ZNF148: variants seen among roughly 807,000 people sequenced by gnomAD.
The protein encoded by ZNF148 is zinc finger protein 148, also known as Beta-Enolase Repressor Factor-1.
In ZNF148, 7 loss-of-function variants were observed where a neutral mutation model predicts 67.7. The ratio of observed to expected loss-of-function variants is 0.10; its 90% CI spans 0.06 to 0.19. ZNF148 has a LOEUF of 0.19. Among genes scored for constraint, ZNF148 ranks in the 10% least tolerant of loss-of-function variants. The pLI is 1.00. For synonymous variants in ZNF148, 333 were observed against 330.7 expected (o/e 1.01, Z -0.08); for missense variants, 583 against 947.1 (o/e 0.62, Z 5.05).
At chr3:125,356,604 A>T (rs1942350138) in intron 1 of ZNF148, among the ~76,000 whole-genome samples, 1 of 152,180 alleles carries the variant, frequency 6.6e-6, no homozygotes, top group Non-Finnish European at 1.5e-5. Flanking sequence ...GCCCTCTATA[A>T]AATTAAGAAA....
chr3:125,277,914 T>C (rs1027693808), intron 6 of ZNF148, 105 bp from the exon 7 acceptor site: 3 of 784,534 alleles, frequency 3.8e-6, no homozygotes, highest in Admixed American at 3.4e-5. Flanking sequence ...TTTTGGAAAA[T>C]TACAAAATAG....
At chr3:125,374,729 A>C (rs571750958) in intron 1 of ZNF148, among the ~76,000 whole-genome samples, 1 of 152,160 alleles carries the variant, frequency 6.6e-6, no homozygotes, top group South Asian at 2.1e-4. Context: ...CACGGTGGAC[A>C]GAGCCCTGGT....
chr3:125,250,429 T>C (rs560281104), intron 7 of ZNF148, among the ~76,000 whole-genome samples: 1 of 152,310 alleles, frequency 6.6e-6, no homozygotes, highest in South Asian at 2.1e-4. Context: ...GCTGCTTCAG[T>C]GCCTTATTCA....
At chr3:125,291,097 C>G (rs996772908) in intron 4 of ZNF148, among the ~76,000 whole-genome samples, 2 of 152,000 alleles carry the variant, frequency 1.3e-5, no homozygotes, top group African/African-American at 4.8e-5. Flanking sequence ...TTGGTCTACC[C>G]CCTCTCCCCA....
chr3:125,262,426 G>T (rs1374393246), intron 7 of ZNF148, among the ~76,000 whole-genome samples: 1 of 152,226 alleles, frequency 6.6e-6, no homozygotes, highest in African/African-American at 2.4e-5. Context: ...GCCTATTTGT[G>T]TGAGAGTGGA....
At chr3:125,307,195 A>G (rs1218524123) in intron 4 of ZNF148, among the ~76,000 whole-genome samples, 2 of 152,242 alleles carry the variant, frequency 1.3e-5, no homozygotes, top group Non-Finnish European at 2.9e-5. Flanking sequence ...GAGCTGTTTA[A>G]TATTTGAAAA....
chr3:125,344,552 G>GACTTCC (rs1283735242), intron 1 of ZNF148: 36 of 1,016,018 alleles, frequency 3.5e-5, no homozygotes, highest in Non-Finnish European at 2.3e-5. Flanking sequence ...CTGTCAAAAT[G>GACTTCC]ACTTCCACCT....
intron 1 of ZNF148, among the ~76,000 whole-genome samples, chr3:125,371,101 C>T (rs1942864292): frequency 6.6e-6 from 1 of 152,026 alleles, no homozygotes; most frequent in African/African-American, 2.4e-5. Flanking sequence ...GCCTGTAATC[C>T]TAGCACTTTG....
intron 7 of ZNF148, among the ~76,000 whole-genome samples, chr3:125,262,141 C>T (rs185195640): frequency 2.0e-5 from 3 of 152,130 alleles, no homozygotes; most frequent in Admixed American, 6.5e-5. Flanking sequence ...TCTTTGAAAC[C>T]GTCTTGTCAC....
Position 125,323,374 on chromosome 3 carries a change from G to A in ZNF148, c.-82C>T, listed in dbSNP as rs988635923. On this transcript the variant is annotated 5_prime_UTR_variant, in exon 3 of 9. Transcript: ENST00000360647. ...GCTGTAGAGTTGAAAAAGAAATCAT[G>A]GTTGAGTTTCTACCTTTCATAGGCT... 1.4e-5 allele frequency: 10 copies of A among 695,958 alleles called. No individual in the cohort carries two copies. The highest frequency in any genetic ancestry group is 2.6e-5 in the Non-Finnish European group (10 of 382,836). 43.1% of individuals were successfully genotyped at this position (695,958 alleles called of 1,614,324 possible).
At chr3:125,368,783 A>T (rs1331652448) in intron 1 of ZNF148, among the ~76,000 whole-genome samples, 1 of 147,376 alleles carries the variant, frequency 6.8e-6, no homozygotes, top group African/African-American at 2.5e-5. Context: ...CATCTCTACT[A>T]AAAAATACAA....
At chr3:125,271,406 A>G (rs1167443798) in intron 7 of ZNF148, among the ~76,000 whole-genome samples, 1 of 152,200 alleles carries the variant, frequency 6.6e-6, no homozygotes, top group Non-Finnish European at 1.5e-5. Flanking sequence ...GGCTACATAC[A>G]TACAGGCTAC....
In ZNF148 at chr3:125,233,533, T is replaced by C. The variant is rs1935949068; in HGVS notation, c.1193A>G (p.Lys398Arg). The change falls in exon 9 of 9, where the codon AAG becomes AGG. Residue 398 changes from lysine (K) to arginine (R), a missense_variant. Transcript: ENST00000360647. The surrounding 1 kb of genome is among the most constrained non-coding windows in gnomAD (Gnocchi z 5.1). The stretch of plus-strand genomic sequence containing the variant: ...CTCCAGTGGCTGTTTCAGACTTCTC[T>C]TACTATTAATTTTTTTGAGAACTAA... Reference protein sequence around the residue: ...PKLVLKKINSKRSLKQPLEQN... With the variant: ...PKLVLKKINSRRSLKQPLEQN... The C allele has an allele frequency of 1.9e-6, 3 of 1,613,948 alleles. 1 individual carries two copies.
At chr3:125,298,346 TAC>T (rs141809192) in intron 4 of ZNF148, among the ~76,000 whole-genome samples, 43 of 145,726 alleles carry the variant, frequency 3.0e-4, no homozygotes, top group Admixed American at 4.8e-4. Context: ...TAAATGTGCA[TAC>T]ACACACACAC....
At chr3:125,317,662 T>TATATATAGAGAG (rs752542874) in intron 3 of ZNF148, among the ~76,000 whole-genome samples, 16 of 90,046 alleles carry the variant, frequency 1.8e-4, no homozygotes, top group Middle Eastern at 8.1e-3. Flanking sequence ...TATATATATA[T>TATATATAGAGAG]AGAGAGAGAG....
intron 1 of ZNF148, among the ~76,000 whole-genome samples, chr3:125,341,184 AC>A (rs1559769002): frequency 4.0e-5 from 6 of 151,862 alleles, no homozygotes; most frequent in South Asian, 2.1e-4. Flanking sequence ...GAAAAAAAAA[AC>A]AGCCATAATA....
intron 1 of ZNF148, among the ~76,000 whole-genome samples, chr3:125,352,673 A>T (rs1942196919): frequency 6.6e-6 from 1 of 152,120 alleles, no homozygotes; most frequent in African/African-American, 2.4e-5. Flanking sequence ...AAAAAAAAAA[A>T]AAAAAAAGAT....
chr3:125,343,465 GCGCTCTGT>G (rs1941815728), intron 1 of ZNF148, among the ~76,000 whole-genome samples: 1 of 15,746 alleles, frequency 6.4e-5, no homozygotes, highest in African/African-American at 4.1e-4. Flanking sequence ...GCACCAATCA[GCGCTCTGT>G]AAAAACTCAC....
At chr3:125,238,122 A>C (rs1428399310) in intron 7 of ZNF148, among the ~76,000 whole-genome samples, 1 of 152,272 alleles carries the variant, frequency 6.6e-6, no homozygotes, top group South Asian at 2.1e-4. Flanking sequence ...TCACATCATA[A>C]ACAAAAGTTA....
Sources: gnomAD v4.1 joint callset for allele counts (sites outside exome capture counted in the v4.1 genomes callset) on GRCh38, gnomAD v4.1.1 for gene constraint, Gnocchi (gnomAD v3.1) non-coding constraint, MANE v1.5 for transcripts, NCBI Gene and HGNC (gene_info 2026-07-23, HGNC 2026-07-21) for gene names.